The following PPP1R3F variants were observed in gnomAD, a reference collection of about 807,000 sequenced individuals.
PPP1R3F encodes protein phosphatase 1, regulatory (inhibitor) subunit 3F.
Under a neutral mutation model 24.2 loss-of-function variants are expected in PPP1R3F, and 29 were observed. That is an observed-to-expected ratio of 1.20 (90% CI 0.89 to 1.63). The LOEUF is 1.63. Ranked by LOEUF, PPP1R3F falls within the 40% of genes most tolerant of loss-of-function variation. The pLI is 0.00. For synonymous variants in PPP1R3F, 363 were observed against 340.1 expected (o/e 1.07, Z -0.74); for missense variants, 823 against 729.3 (o/e 1.13, Z -1.48).
chrX:49,271,965 C>G (rs782171582), intron 1 of PPP1R3F, among the ~76,000 whole-genome samples: 15 of 112,493 alleles, frequency 1.3e-4, no homozygotes, highest in Admixed American at 7.5e-4. Context: ...AGTCCTGATT[C>G]TTTTTGCGGT....
chrX:49,286,823 G>A lies in PPP1R3F; in HGVS notation c.2133G>A (p.Gly711=), dbSNP rs782000690. 8.3e-7 allele frequency: 1 copy of A among 1,199,813 alleles called. No homozygotes were observed. Among genetic ancestry groups the A allele is most frequent in the South Asian group, 1.8e-5 (1 of 54,880 alleles). ...ATCCCACCCTCCTCAGTCCCTTGGG[G>A]GCCGAAGTCTGTCTCTCTAGTGTAG... The part of the protein sequence containing the change: ...GQNPTLLSPL[G]AEVCLSSVAR... The change falls in exon 4 of 4, where the codon GGG becomes GGA. Residue 711 remains glycine, a synonymous_variant. Transcript: ENST00000055335.
At position 49,283,983 on chromosome X, in the gene PPP1R3F, A is replaced by G. The variant is rs1047315156; in HGVS notation, c.1144-1851A>G. 2.7e-5 allele frequency among the ~76,000 whole-genome samples: 3 copies of G among 111,886 alleles called. No individual in the cohort carries two copies. The Admixed American group carries it at 2.9e-4, about 11-fold the overall frequency. On this transcript the variant is annotated intron_variant, in intron 3 of 3. Coordinates refer to ENST00000055335, the MANE Select transcript of PPP1R3F (RefSeq NM_033215.5). ...TACTTTGAGATATAGTTTGTGCAGA[A>G]AAAGCAGTGTAAATATTTAATTTTT...
chrX:49,274,480 AC>A (rs782533349), intron 1 of PPP1R3F: 1 of 111,618 alleles, frequency 9.0e-6, no homozygotes, highest in African/African-American at 3.3e-5. Flanking sequence ...TGTTTCCTTC[AC>A]CAGGAACATT....
intron 1 of PPP1R3F, among the ~76,000 whole-genome samples, chrX:49,271,797 A>G (rs1389232231): frequency 1.8e-5 from 2 of 113,075 alleles, no homozygotes; most frequent in Non-Finnish European, 3.7e-5. Flanking sequence ...ACAGAACCAG[A>G]TGGGTACTGG....
chrX:49,298,478 T>C (rs1557123058), intron 3 of PPP1R3F, among the ~76,000 whole-genome samples: 1 of 111,738 alleles, frequency 8.9e-6, no homozygotes, highest in African/African-American at 3.3e-5. Context: ...GTGAATCTGA[T>C]GATTATGTGT....
chrX:49,284,509 C>CTTTTTTTTTTTTTTTTTTTTTTTTTTT (rs145170789), intron 3 of PPP1R3F, among the ~76,000 whole-genome samples: 6 of 50,852 alleles, frequency 1.2e-4, no homozygotes, highest in South Asian at 1.3e-3. Context: ...CTTTTTCTTT[C>CTTTTTTTTTTTTTTTTTTTTTTTTTTT]TTTTTTTTTT....
rs1557118613 is a variant in PPP1R3F, at chrX:49,270,059, A to C, written c.190A>C (p.Lys64Gln). ...YRPWGGPGAGKMAAAAGQDGG... is the reference protein window; with the variant it reads ...YRPWGGPGAGQMAAAAGQDGG... ...GCCGTGGGGCGGGCCCGGGGCGGGCAAGATGGCGGCGGCGGCCGGGCAAGA... is the reference window on the plus strand; with the variant it reads ...GCCGTGGGGCGGGCCCGGGGCGGGCCAGATGGCGGCGGCGGCCGGGCAAGA... Residue 64 changes from lysine (K) to glutamine (Q), a missense_variant, in exon 1 of 4, where the codon AAG becomes CAG. Lys to Gln is a moderately conservative substitution (Grantham distance 53, BLOSUM62 1). Transcript: ENST00000055335. 2.0e-6 allele frequency: 2 copies of C among 987,836 alleles called. No homozygotes were observed. Among genetic ancestry groups the C allele is most frequent in the Admixed American group, 5.7e-5 (1 of 17,693 alleles). The allele number at this position is 987,836 out of a possible 1,213,427, so 81.4% of individuals were successfully genotyped here. A position where few individuals can be genotyped will look rare whatever the true frequency, so the allele number is the denominator to read the frequency against.
intron 1 of PPP1R3F, among the ~76,000 whole-genome samples, chrX:49,277,083 A>G (rs782386468): frequency 8.9e-6 from 1 of 112,560 alleles, no homozygotes; most frequent in South Asian, 3.7e-4. Context: ...GGTGGTGGCA[A>G]TGGCAGTCTG....
downstream of PPP1R3F, among the ~76,000 whole-genome samples, chrX:49,289,796 C>T (rs1235454316): frequency 2.7e-5 from 3 of 111,386 alleles, no homozygotes; most frequent in Non-Finnish European, 3.8e-5. Flanking sequence ...GGGCTGGGCG[C>T]GGTGGCTCAC....
At chrX:49,291,543 G>C (rs1279334611), downstream of PPP1R3F, among the ~76,000 whole-genome samples, 3 of 109,305 alleles carry the variant, frequency 2.7e-5, no homozygotes, top group African/African-American at 1.0e-4. Flanking sequence ...GGCCAGGCTG[G>C]TCTCGAACTC....
intron 3 of PPP1R3F, among the ~76,000 whole-genome samples, chrX:49,283,153 C>T (rs1357881205): frequency 9.0e-6 from 1 of 111,490 alleles, no homozygotes; most frequent in Non-Finnish European, 1.9e-5. Context: ...TTTATCTGTA[C>T]CCCGTCTCCT....
chrX:49,292,794 G>C (rs1332470404), downstream of PPP1R3F, among the ~76,000 whole-genome samples: 10 of 112,423 alleles, frequency 8.9e-5, no homozygotes, highest in African/African-American at 3.2e-4. Flanking sequence ...AGGCCCAGCT[G>C]CTGCCCTCTA....
chrX:49,281,954 C>T, intron 2 of PPP1R3F, 27 bp from the exon 3 acceptor site: 1 of 1,119,910 alleles, frequency 8.9e-7, no homozygotes, highest in Non-Finnish European at 1.2e-6. Flanking sequence ...CCTGTCTTGC[C>T]CAATGCTGCC....
rs181501402 is a variant in PPP1R3F, at chrX:49,278,117, C to T, written c.1005-3289C>T. ...TGTGTATTTGTTTTTCTTTCTCCTT[C>T]CTCCAACTGAATTGTGGAGTCCTTT... On this transcript the variant is annotated intron_variant, in intron 1 of 3. Transcript: ENST00000055335. 5.2e-3 allele frequency among the ~76,000 whole-genome samples: 581 copies of T among 112,400 alleles called. 4 individuals are homozygous for T. The highest frequency in any genetic ancestry group is 0.018 in the African/African-American group (549 of 30,944).
In PPP1R3F at chrX:49,286,645, C is replaced by G; in HGVS notation, c.1955C>G (p.Ser652Cys). 1 of 1,210,609 alleles carries G rather than the reference C, an allele frequency of 8.3e-7. No homozygotes were observed. The highest frequency in any genetic ancestry group is 1.8e-5 in the South Asian group (1 of 56,714). ...PEKGMGKDTS[S>C]LHMNRVIAGV... ...AAAGGGATGGGCAAGGACACCAGCT[C>G]TTTGCACATGAATAGGGTGATAGCT... Residue 652 changes from serine (S) to cysteine (C), a missense_variant, in exon 4 of 4, where the codon TCT becomes TGT. Transcript: ENST00000055335.
chrX:49,300,213 TG>T (rs1431030970), intron 3 of PPP1R3F, among the ~76,000 whole-genome samples: 1 of 111,127 alleles, frequency 9.0e-6, no homozygotes, highest in East Asian at 2.8e-4. Flanking sequence ...TGGGCCTGGA[TG>T]CACCGTTCAT....
chrX:49,295,907 G>T lies in PPP1R3F; in HGVS notation c.393-5444G>T, dbSNP rs1301293054. On this transcript the variant is annotated intron_variant, in intron 3 of 3. Coordinates refer to the PPP1R3F transcript ENST00000471261. ...CCCATTATCAGCAACCCTCACCAGC[G>T]TGGTGCATTTGTTACAATTGATCAT... Among the ~76,000 whole-genome samples, 3 of 110,614 alleles carry T rather than the reference G, an allele frequency of 2.7e-5. No individual in the cohort carries two copies. The Admixed American group carries it at 2.9e-4, about 11-fold the overall frequency.
At position 49,294,635 on chromosome X, in the gene PPP1R3F, C is replaced by A. The variant is rs2066317803; in HGVS notation, c.393-6716C>A. The stretch of plus-strand genomic sequence containing the variant: ...TCTATTAAGTATGATCTAAGCCAGG[C>A]AGGGTGGCTCACGCCTGTAATCCCA... On this transcript the variant is annotated intron_variant, in intron 3 of 3. Transcript: ENST00000471261. Among the ~76,000 whole-genome samples the A allele has an allele frequency of 3.7e-5, 4 of 109,290 alleles. No individual in the cohort carries two copies. In the Admixed American group the frequency reaches 3.9e-4, roughly 11 times the overall value. The allele number at this position is 109,290 out of a possible 115,157, so 94.9% of individuals were successfully genotyped here.
Position 49,270,711 on chromosome X carries a change from A to ACACAGTCCTG in PPP1R3F, c.844_853dup (p.Leu285HisfsTer14). 1 of 1,208,157 alleles carries ACACAGTCCTG rather than the reference A, an allele frequency of 8.3e-7. No homozygotes were observed. Reference sequence around the variant, plus strand: ...TGGGCCAACAACCACGGCCGCAACTACACAGTCCTGCTCCGGATCGCACCC... The same window carrying ACACAGTCCTG: ...TGGGCCAACAACCACGGCCGCAACTACACAGTCCTGCACAGTCCTGCTCCGGATCGCACCC... On this transcript the variant is annotated frameshift_variant, in exon 1 of 4. Coordinates refer to ENST00000055335, the MANE Select transcript of PPP1R3F (RefSeq NM_033215.5). LOFTEE classifies it high-confidence loss of function.
Sources: allele counts gnomAD v4.1 joint callset (sites outside exome capture counted in the v4.1 genomes callset), GRCh38; gene constraint gnomAD v4.1.1; transcripts MANE v1.5; gene names NCBI Gene and HGNC (gene_info 2026-07-23, HGNC 2026-07-21).